CA10: variants seen among roughly 807,000 people sequenced by gnomAD.
CA10 encodes the protein carbonic anhydrase 10 (inactive), also known as carbonic anhydrase-related protein 10.
In CA10, 14 loss-of-function variants were observed where a neutral mutation model predicts 44.2. The ratio of observed to expected loss-of-function variants is 0.32; its 90% CI spans 0.21 to 0.50. The LOEUF (loss-of-function observed/expected upper bound fraction) is 0.50. Among genes scored for constraint, CA10 ranks in the 20% least tolerant of loss-of-function variants. The probability of loss-of-function intolerance (pLI) is 0.99; values close to 1 mark genes in which losing one functional copy is unlikely to be tolerated. For missense variants in CA10, 350 were observed against 409.7 expected, an observed-to-expected ratio of 0.85 and a Z score of 1.26; for synonymous variants, 159 against 141.6, an observed-to-expected ratio of 1.12 and a Z score of -0.87.
At chr17:51,945,345 G>A (rs1252195178) in intron 2 of CA10, among the ~76,000 whole-genome samples, 1 of 152,122 alleles carries the variant, frequency 6.6e-6, no homozygotes, top group Non-Finnish European at 1.5e-5. Flanking sequence ...CATCAAGGGT[G>A]GGGTAAATAT....
chr17:52,141,887 C>T (rs566950378), intron 1 of CA10, among the ~76,000 whole-genome samples: 1 of 152,072 alleles, frequency 6.6e-6, no homozygotes, highest in Admixed American at 6.5e-5. Flanking sequence ...GATGGGGATA[C>T]CCTAGATGAA....
At chr17:51,716,917 T>C (rs1916132183) in intron 4 of CA10, among the ~76,000 whole-genome samples, 1 of 152,190 alleles carries the variant, frequency 6.6e-6, no homozygotes, top group Non-Finnish European at 1.5e-5. Context: ...GCTTTGAAAA[T>C]GTTGGCAGGG....
At chr17:52,047,334 A>C (rs1478613273) in intron 2 of CA10, among the ~76,000 whole-genome samples, 1 of 152,074 alleles carries the variant, frequency 6.6e-6, no homozygotes, top group African/African-American at 2.4e-5. Flanking sequence ...ACAAGGGAAC[A>C]TTTTGGGATC....
At chr17:52,019,204 G>A (rs1261878708) in intron 2 of CA10, among the ~76,000 whole-genome samples, 1 of 151,986 alleles carries the variant, frequency 6.6e-6, no homozygotes, top group Non-Finnish European at 1.5e-5. Context: ...CATAATTCTA[G>A]GTTCTTTTTA....
intron 4 of CA10, among the ~76,000 whole-genome samples, chr17:51,695,106 T>C (rs1915356474): frequency 2.0e-5 from 3 of 152,346 alleles, no homozygotes; most frequent in African/African-American, 4.8e-5. Flanking sequence ...TCCAGCTTTG[T>C]TCTTTTTGCT....
chr17:51,932,586 A>G (rs528122458), intron 2 of CA10, among the ~76,000 whole-genome samples: 3 of 152,286 alleles, frequency 2.0e-5, no homozygotes, highest in East Asian at 3.9e-4. Flanking sequence ...ATCCATGCCA[A>G]TAAGCCTCTG....
At chr17:51,979,418 T>C (rs1984576411) in intron 2 of CA10, among the ~76,000 whole-genome samples, 2 of 152,124 alleles carry the variant, frequency 1.3e-5, no homozygotes, top group African/African-American at 2.4e-5. Flanking sequence ...GTTGTACAGA[T>C]TATTTCATCA....
chr17:51,935,962 G>T (rs1982848426), intron 2 of CA10, among the ~76,000 whole-genome samples: 1 of 152,264 alleles, frequency 6.6e-6, no homozygotes, highest in Non-Finnish European at 1.5e-5. Context: ...AAGTTAGATT[G>T]TGCTTTTAGG....
intron 2 of CA10, among the ~76,000 whole-genome samples, chr17:51,935,848 C>A (rs1054277465): frequency 9.9e-5 from 15 of 152,256 alleles, no homozygotes; most frequent in Admixed American, 9.2e-4. Context: ...ACAAAGTTTT[C>A]ACCAAAAACA....
At chr17:51,654,914 A>C (rs866497516) in intron 4 of CA10, among the ~76,000 whole-genome samples, 3 of 151,048 alleles carry the variant, frequency 2.0e-5, no homozygotes, top group Admixed American at 1.3e-4. Context: ...TGCCCCCCCC[A>C]CCACCTCTTT....
At chr17:51,903,035 C>T (rs533277945) in intron 3 of CA10, among the ~76,000 whole-genome samples, 6 of 152,182 alleles carry the variant, frequency 3.9e-5, no homozygotes, top group African/African-American at 1.2e-4. Context: ...TGTTGAATTC[C>T]GGGGATGCAC....
intron 2 of CA10, among the ~76,000 whole-genome samples, chr17:51,938,427 G>T (rs11871528): frequency 0.044 from 6,670 of 152,050 alleles, 204 homozygotes; most frequent in African/African-American, 0.088. Context: ...TCAGAACAGG[G>T]CACTCTGATG....
chr17:52,044,653 C>T (rs1269753694), intron 2 of CA10, among the ~76,000 whole-genome samples: 5 of 151,986 alleles, frequency 3.3e-5, no homozygotes, highest in Admixed American at 6.6e-5. Flanking sequence ...ACAAAGGGAA[C>T]TTCTAGACAT....
intron 2 of CA10, among the ~76,000 whole-genome samples, chr17:51,950,986 A>C (rs571874219): frequency 1.6e-4 from 25 of 152,284 alleles, no homozygotes; most frequent in African/African-American, 5.8e-4. Context: ...CCTAGGTCCC[A>C]ATGGATTGTC....
chr17:51,919,783 C>G (rs1397604951), intron 3 of CA10, among the ~76,000 whole-genome samples: 1 of 152,156 alleles, frequency 6.6e-6, no homozygotes, highest in Admixed American at 6.5e-5. Context: ...TCCCGAGTAG[C>G]TGGGACTACA....
At chr17:51,733,031 C>A (rs1822775944) in intron 4 of CA10, among the ~76,000 whole-genome samples, 1 of 151,952 alleles carries the variant, frequency 6.6e-6, no homozygotes, top group Non-Finnish European at 1.5e-5. Flanking sequence ...CTAGTAAATC[C>A]CCCTTTTAGT....
intron 1 of CA10, among the ~76,000 whole-genome samples, chr17:52,104,607 C>T (rs1250827557): frequency 6.6e-6 from 1 of 152,184 alleles, no homozygotes; most frequent in Non-Finnish European, 1.5e-5. Flanking sequence ...CTAGATCCAA[C>T]CCTCTTTGAA....
chr17:51,776,520 TATTA>T (rs1905826491), intron 3 of CA10, among the ~76,000 whole-genome samples: 1 of 152,174 alleles, frequency 6.6e-6, no homozygotes, highest in Admixed American at 6.6e-5. Context: ...AAATAAAAAT[TATTA>T]ATATTTTACA....
chr17:51,860,445 T>C (rs1327971614), intron 3 of CA10, among the ~76,000 whole-genome samples: 1 of 152,192 alleles, frequency 6.6e-6, no homozygotes, highest in African/African-American at 2.4e-5. Flanking sequence ...AGTGGCCAAA[T>C]ATGTGATGTT....
Sources: allele counts gnomAD v4.1 joint callset (sites outside exome capture counted in the v4.1 genomes callset), GRCh38; gene constraint gnomAD v4.1.1; transcripts MANE v1.5; gene names NCBI Gene and HGNC (gene_info 2026-07-23, HGNC 2026-07-21).